The following GBE1 variants were observed in gnomAD, a reference collection of about 807,000 sequenced individuals.
GBE1 encodes 1,4-alpha-glucan branching enzyme 1, also known as 1,4-alpha-glucan-branching enzyme.
A neutral mutation model predicts 88.8 loss-of-function variants in GBE1; 70 were observed. The ratio of observed to expected loss-of-function variants is 0.79; its 90% CI spans 0.65 to 0.96. The LOEUF (loss-of-function observed/expected upper bound fraction) is 0.96, where lower values mean the gene tolerates loss of function less well. Ranked by LOEUF, GBE1 falls within the 40% of genes least tolerant of loss-of-function variation. The pLI is 0.00. For missense variants in GBE1, 872 were observed against 871.0 expected, an observed-to-expected ratio of 1.00 and a Z score of -0.01; for synonymous variants, 284 against 300.1, an observed-to-expected ratio of 0.95 and a Z score of 0.56.
chr3:81,510,964 G>C (rs1057419409), intron 14 of GBE1, among the ~76,000 whole-genome samples: 1 of 151,948 alleles, frequency 6.6e-6, no homozygotes, highest in Non-Finnish European at 1.5e-5. Context: ...TAATTAGCTT[G>C]ATTGTAGTAA....
intron 3 of GBE1, among the ~76,000 whole-genome samples, chr3:81,670,331 A>G (rs1237779234): frequency 6.6e-6 from 1 of 152,142 alleles, no homozygotes; most frequent in African/African-American, 2.4e-5. Context: ...TGGCTTTATC[A>G]CAGAAGAATA....
At chr3:81,530,355 G>A (rs553305689) in intron 14 of GBE1, among the ~76,000 whole-genome samples, 1 of 151,716 alleles carries the variant, frequency 6.6e-6, no homozygotes, top group East Asian at 2.0e-4. Context: ...TGTTTGGTGA[G>A]GTCATGATTT....
Position 81,586,080 on chromosome 3 carries a change from A to T in GBE1, c.1335+12T>A. The T allele has an allele frequency of 6.6e-7, 1 of 1,521,696 alleles. No homozygotes were observed. Among genetic ancestry groups the T allele is most frequent in the Non-Finnish European group, 9.1e-7 (1 of 1,104,616 alleles). 94.3% of individuals were successfully genotyped at this position (1,521,696 alleles called of 1,614,324 possible). ...ATTCACAGAAACAAAAAATATTTAC[A>T]TGGACTCTTACCTGAATCCACTTAT... On this transcript the variant is annotated intron_variant, in intron 10 of 15. Coordinates refer to ENST00000429644, the MANE Select transcript of GBE1 (RefSeq NM_000158.4).
At chr3:81,709,306 G>A (rs1576208142) in intron 1 of GBE1, among the ~76,000 whole-genome samples, 2 of 151,878 alleles carry the variant, frequency 1.3e-5, no homozygotes, top group Admixed American at 6.6e-5. Context: ...ATGAGAAAAG[G>A]TTCTTTGTGT....
intron 15 of GBE1, among the ~76,000 whole-genome samples, chr3:81,492,696 C>CTCCCTTTT (rs1702452791): frequency 6.9e-6 from 1 of 144,754 alleles, no homozygotes; most frequent in African/African-American, 2.6e-5. Flanking sequence ...TTCTCCCTTT[C>CTCCCTTTT]TCCCTTTCTT....
chr3:81,558,766 G>A (rs548901532), intron 12 of GBE1, among the ~76,000 whole-genome samples: 1 of 152,146 alleles, frequency 6.6e-6, no homozygotes, highest in East Asian at 1.9e-4. Flanking sequence ...TATCCATATA[G>A]TAATATTTCT....
intron 2 of GBE1, among the ~76,000 whole-genome samples, chr3:81,694,031 GAAAT>G (rs1193222552): frequency 6.6e-6 from 1 of 152,156 alleles, no homozygotes; most frequent in East Asian, 1.9e-4. Flanking sequence ...TGTGAATTAA[GAAAT>G]AAAGTACCAT....
At chr3:81,698,033 T>A (rs904043010) in intron 2 of GBE1, among the ~76,000 whole-genome samples, 5 of 147,644 alleles carry the variant, frequency 3.4e-5, no homozygotes, top group African/African-American at 4.9e-5. Context: ...ATATATAATT[T>A]TATATATATA....
At chr3:81,612,220 TA>T (rs11404629) in intron 7 of GBE1, 12,707 of 240,260 alleles carry the variant, frequency 0.053, 75 homozygotes, top group South Asian at 0.087. Flanking sequence ...CACGCTCCTT[TA>T]AAAAAAAAAA....
chr3:81,628,605 A>T (rs1704452675), intron 7 of GBE1, among the ~76,000 whole-genome samples: 2 of 151,808 alleles, frequency 1.3e-5, no homozygotes, highest in Non-Finnish European at 2.9e-5. Context: ...TATTTACAAA[A>T]TTTAATTAAT....
At chr3:81,641,594 G>C (rs1219603169) in intron 7 of GBE1, among the ~76,000 whole-genome samples, 3 of 152,144 alleles carry the variant, frequency 2.0e-5, no homozygotes, top group Non-Finnish European at 4.4e-5. Context: ...GTTTGTACCA[G>C]AGTGAGTCTA....
At chr3:81,532,240 T>C (rs1189854204) in intron 14 of GBE1, among the ~76,000 whole-genome samples, 1 of 151,946 alleles carries the variant, frequency 6.6e-6, no homozygotes, top group East Asian at 1.9e-4. Flanking sequence ...GTGTGGATAA[T>C]TGTTCAATTT....
At chr3:81,706,971 A>C (rs1705786050) in intron 1 of GBE1, among the ~76,000 whole-genome samples, 1 of 152,032 alleles carries the variant, frequency 6.6e-6, no homozygotes, top group Non-Finnish European at 1.5e-5. Flanking sequence ...ATATATTAAA[A>C]AGAACCTAAG....
chr3:81,758,891 G>A (rs192452358), intron 1 of GBE1, among the ~76,000 whole-genome samples: 113 of 152,310 alleles, frequency 7.4e-4, no homozygotes, highest in African/African-American at 2.6e-3. Context: ...GAATTCCCAC[G>A]TGTTGTGGGA....
chr3:81,676,614 AT>A (rs1705258254), intron 2 of GBE1, among the ~76,000 whole-genome samples: 4 of 151,776 alleles, frequency 2.6e-5, no homozygotes, highest in African/African-American at 7.2e-5. Context: ...ACAATAATTA[AT>A]TTTTTTTGGC....
At chr3:81,649,330 A>G (rs3772912) in intron 4 of GBE1, among the ~76,000 whole-genome samples, 72,255 of 151,858 alleles carry the variant, frequency 0.48, 18,981 homozygotes, top group East Asian at 0.87. Flanking sequence ...ATGATTTAAA[A>G]GACAGAAAGT....
chr3:81,688,933 T>C (rs1163068744), intron 2 of GBE1, among the ~76,000 whole-genome samples: 1 of 151,996 alleles, frequency 6.6e-6, no homozygotes, highest in Non-Finnish European at 1.5e-5. Context: ...ATATCACCAT[T>C]TAAAAAAAGG....
chr3:81,628,714 T>C (rs1239162192), intron 7 of GBE1, among the ~76,000 whole-genome samples: 6 of 126,538 alleles, frequency 4.7e-5, no homozygotes, highest in African/African-American at 1.8e-4. Context: ...AGCCTACCCT[T>C]TAAAATATAA....
chr3:81,697,612 C>A (rs896526854), intron 2 of GBE1, among the ~76,000 whole-genome samples: 13 of 152,142 alleles, frequency 8.5e-5, no homozygotes, highest in Non-Finnish European at 1.3e-4. Flanking sequence ...GGGCAGACAA[C>A]TTCTATGCCC....
Sources: allele counts gnomAD v4.1 joint callset (sites outside exome capture counted in the v4.1 genomes callset), GRCh38; gene constraint gnomAD v4.1.1; transcripts MANE v1.5; gene names NCBI Gene and HGNC (gene_info 2026-07-23, HGNC 2026-07-21).